PTPRG: variants seen among roughly 807,000 people sequenced by gnomAD.
The protein encoded by PTPRG is receptor-type tyrosine-protein phosphatase gamma.
Under a neutral mutation model 165.3 loss-of-function variants are expected in PTPRG, and 102 were observed. The observed-to-expected ratio is 0.62, with a 90% CI of 0.53 to 0.73. The LOEUF is 0.73. PTPRG is among the 30% of genes least tolerant of loss of function. The pLI is 0.00. For missense variants in PTPRG, 1,866 were observed against 1,861.4 expected, an observed-to-expected ratio of 1.00 and a Z score of -0.05; for synonymous variants, 675 against 669.5, an observed-to-expected ratio of 1.01 and a Z score of -0.13.
chr3:61,743,732 A>G (rs944506443), intron 1 of PTPRG, among the ~76,000 whole-genome samples: 1 of 152,224 alleles, frequency 6.6e-6, no homozygotes, highest in African/African-American at 2.4e-5. Context: ...AACACTTGGT[A>G]GAATATATGT....
At chr3:61,648,151 C>T (rs1419762898) in intron 1 of PTPRG, among the ~76,000 whole-genome samples, 5 of 152,202 alleles carry the variant, frequency 3.3e-5, no homozygotes, top group Non-Finnish European at 7.3e-5. Context: ...GTAAAGGAGA[C>T]TACTGCAGGG....
Position 62,222,836 on chromosome 3 carries a change from C to G in PTPRG, c.2288+3853C>G, listed in dbSNP as rs139134433. ...CTGGTGGGCCTAGAGATTTAGAGAT[C>G]AGGTCCCTTGGCCCTCACAGTCCAT... On this transcript the variant is annotated intron_variant, in intron 13 of 29. Coordinates refer to ENST00000474889, the MANE Select transcript of PTPRG (RefSeq NM_002841.4). The surrounding 1 kb of genome is among the most constrained non-coding windows in gnomAD (Gnocchi z 4.5). Among the ~76,000 whole-genome samples the G allele has an allele frequency of 6.3e-4, 96 of 152,260 alleles. No homozygotes were observed. The East Asian group carries it at 0.018, about 29-fold the overall frequency.
At chr3:62,017,005 C>T (rs934807033) in intron 4 of PTPRG, among the ~76,000 whole-genome samples, 2 of 152,034 alleles carry the variant, frequency 1.3e-5, no homozygotes, top group African/African-American at 4.8e-5. Flanking sequence ...GATTTCTTTA[C>T]TTATTTATTA....
At chr3:61,833,312 C>A (rs1455641485) in intron 2 of PTPRG, among the ~76,000 whole-genome samples, 2 of 152,142 alleles carry the variant, frequency 1.3e-5, no homozygotes, top group Admixed American at 1.3e-4. Context: ...TGTCAAAATC[C>A]AGTGTGCATG....
chr3:61,953,016 A>C (rs1469164833), intron 2 of PTPRG, among the ~76,000 whole-genome samples: 1 of 152,216 alleles, frequency 6.6e-6, no homozygotes, highest in Non-Finnish European at 1.5e-5. Flanking sequence ...GGCTTCCAAT[A>C]GGTCTCAGGA....
chr3:62,267,138 A>C (rs914674973), intron 17 of PTPRG, among the ~76,000 whole-genome samples: 6 of 152,040 alleles, frequency 3.9e-5, no homozygotes, highest in Admixed American at 6.6e-5. Context: ...AAAATACAGA[A>C]CAAGCAAATA....
At position 62,216,500 on chromosome 3, in the gene PTPRG, A is replaced by G. The variant is rs577096908; in HGVS notation, c.2156-2351A>G. Among the ~76,000 whole-genome samples the G allele has an allele frequency of 1.8e-3, 274 of 151,978 alleles. 4 individuals are homozygous for G. Among genetic ancestry groups the G allele is most frequent in the African/African-American group, 6.0e-3 (248 of 41,452 alleles). On this transcript the variant is annotated intron_variant, in intron 12 of 29. Transcript: ENST00000474889. The stretch of plus-strand genomic sequence containing the variant: ...GGCCTATAGCGTCAACCCTCCCAAC[A>G]TTGTTTTCCATTAACAGGACATCCA...
intron 1 of PTPRG, among the ~76,000 whole-genome samples, chr3:61,655,223 C>G (rs1228314892): frequency 6.6e-6 from 1 of 152,182 alleles, no homozygotes; most frequent in Admixed American, 6.5e-5. Flanking sequence ...AGTGCTGCCT[C>G]TCAATGACAG....
At chr3:61,816,889 T>C (rs1025345684) in intron 2 of PTPRG, among the ~76,000 whole-genome samples, 1 of 149,696 alleles carries the variant, frequency 6.7e-6, no homozygotes, top group Non-Finnish European at 1.5e-5. Flanking sequence ...ATGTAGCTTT[T>C]TGGTAGGGAT....
chr3:62,150,430 T>A (rs1704287947), intron 6 of PTPRG, among the ~76,000 whole-genome samples: 1 of 152,204 alleles, frequency 6.6e-6, no homozygotes, highest in African/African-American at 2.4e-5. Flanking sequence ...AAACGCAGAA[T>A]CTCAGCTCTC....
chr3:61,741,883 A>G (rs2032999251), intron 1 of PTPRG, among the ~76,000 whole-genome samples: 1 of 152,110 alleles, frequency 6.6e-6, no homozygotes, highest in African/African-American at 2.4e-5. Context: ...AAAAACAGTA[A>G]GACATTCATT....
At chr3:61,681,054 TAAAAAAA>T (rs61198100) in intron 1 of PTPRG, among the ~76,000 whole-genome samples, 3 of 66,104 alleles carry the variant, frequency 4.5e-5, no homozygotes, top group African/African-American at 1.6e-4. Context: ...CTTTATGTTC[TAAAAAAA>T]AAAAAAAAAA....
chr3:61,664,779 C>G (rs547086486), intron 1 of PTPRG, among the ~76,000 whole-genome samples: 2 of 152,090 alleles, frequency 1.3e-5, no homozygotes, highest in Middle Eastern at 3.4e-3. Flanking sequence ...TGCGGTGAGC[C>G]GAGATCGCGC....
At chr3:61,752,568 A>C (rs1233071385) in intron 2 of PTPRG, among the ~76,000 whole-genome samples, 1 of 151,990 alleles carries the variant, frequency 6.6e-6, no homozygotes, top group Non-Finnish European at 1.5e-5. Flanking sequence ...CGAGGCGGGC[A>C]GATCACGAGG....
chr3:62,293,141 G>A lies in PTPRG; in HGVS notation c.4192-20G>A, dbSNP rs749646950. 11 of 1,544,736 alleles carry A rather than the reference G, an allele frequency of 7.1e-6. No homozygotes were observed. Among genetic ancestry groups the A allele is most frequent in the Non-Finnish European group, 9.6e-6 (11 of 1,148,876 alleles). The stretch of plus-strand genomic sequence containing the variant: ...ACTAAACTGTTCTTTGGCTCAAACT[G>A]TCTTCCTCTTGTTTTTCAGGAACAA... On this transcript the variant is annotated intron_variant, in intron 29 of 29. Coordinates refer to ENST00000474889, the MANE Select transcript of PTPRG (RefSeq NM_002841.4).
At chr3:61,595,991 G>T (rs1332921716) in intron 1 of PTPRG, among the ~76,000 whole-genome samples, 1 of 152,050 alleles carries the variant, frequency 6.6e-6, no homozygotes, top group African/African-American at 2.4e-5. Flanking sequence ...CATAGCCTAC[G>T]TTCAAGGCAA....
chr3:61,977,512 A>G (rs1307627840), intron 2 of PTPRG, among the ~76,000 whole-genome samples: 5 of 152,164 alleles, frequency 3.3e-5, no homozygotes, highest in Non-Finnish European at 7.3e-5. Context: ...ATTTTTGTGT[A>G]TATACCGTTA....
intron 3 of PTPRG, 113 bp downstream of exon 3, chr3:61,989,917 A>C: frequency 1.2e-5 from 13 of 1,119,442 alleles, no homozygotes; most frequent in Non-Finnish European, 1.6e-5. Context: ...TGCTGTGGGG[A>C]GCCTAAATCA....
chr3:61,937,964 T>C (rs1171605165), intron 2 of PTPRG, among the ~76,000 whole-genome samples: 1 of 151,580 alleles, frequency 6.6e-6, no homozygotes, highest in African/African-American at 2.4e-5. Context: ...CTTCAGTGAA[T>C]TATCTTAGAA....
Sources: allele counts gnomAD v4.1 joint callset (sites outside exome capture counted in the v4.1 genomes callset), GRCh38; gene constraint gnomAD v4.1.1; non-coding constraint Gnocchi (gnomAD v3.1); transcripts MANE v1.5; gene names NCBI Gene and HGNC (gene_info 2026-07-23, HGNC 2026-07-21).